Variants in THADA observed in about 807,000 individuals in gnomAD.
THADA encodes THADA armadillo repeat containing, also known as tRNA (32-2'-O)-methyltransferase regulator THADA.
THADA carries 213 observed loss-of-function variants against 219.8 expected under a neutral mutation model. That is an observed-to-expected ratio of 0.97 (90% CI 0.87 to 1.09). THADA has a LOEUF of 1.09. THADA is among the 50% of genes least tolerant of loss of function. The pLI is 0.00. For synonymous variants in THADA, 1,018 were observed against 828.9 expected (o/e 1.23, Z -3.92); for missense variants, 2,956 against 2,311.3 (o/e 1.28, Z -5.72).
chr2:43,572,537 A>G (rs950237290), intron 12 of THADA, among the ~76,000 whole-genome samples: 1 of 152,126 alleles, frequency 6.6e-6, no homozygotes, highest in African/African-American at 2.4e-5. Flanking sequence ...GCGAGTCCTT[A>G]TGTATTTAAG....
intron 21 of THADA, among the ~76,000 whole-genome samples, chr2:43,539,407 T>C (rs557396179): frequency 2.8e-4 from 43 of 152,314 alleles, no homozygotes; most frequent in African/African-American, 1.0e-3. Context: ...TAAAGGAAGT[T>C]CATGGGGCAA....
chr2:43,312,281 G>A (rs138977702), intron 31 of THADA, among the ~76,000 whole-genome samples: 280 of 152,034 alleles, frequency 1.8e-3, no homozygotes, highest in Non-Finnish European at 3.2e-3. Flanking sequence ...TTCACTCCTG[G>A]GATGAAAATG....
intron 21 of THADA, among the ~76,000 whole-genome samples, chr2:43,539,821 A>G (rs1695076732): frequency 6.6e-6 from 1 of 152,012 alleles, no homozygotes; most frequent in South Asian, 2.1e-4. Flanking sequence ...TTTAACAAAC[A>G]TCTCTTATTT....
intron 36 of THADA, among the ~76,000 whole-genome samples, chr2:43,262,751 C>A (rs751431495): frequency 6.6e-6 from 1 of 152,146 alleles, no homozygotes; most frequent in Non-Finnish European, 1.5e-5. Flanking sequence ...ACATTAGGAC[C>A]TTGCTACTCC....
intron 22 of THADA, among the ~76,000 whole-genome samples, chr2:43,515,256 AATATATAATATATAATATATAATATAT>A (rs1691467861): frequency 4.3e-4 from 1 of 2,302 alleles, no homozygotes; most frequent in African/African-American, 2.3e-3. Context: ...TATTATATAT[AATATATAATATATAATATATAATATAT>A]TATATATAAT....
intron 4 of THADA, among the ~76,000 whole-genome samples, chr2:43,588,082 G>C (rs542593849): frequency 6.6e-6 from 1 of 152,204 alleles, no homozygotes; most frequent in Admixed American, 6.5e-5. Flanking sequence ...GTGTGGTGTT[G>C]GTGTATGAAT....
chr2:43,232,824 C>T lies in THADA; in HGVS notation c.5355G>A (p.Leu1785=). The change falls in exon 37 of 38, where the codon CTG becomes CTA. Residue 1785 remains leucine, a synonymous_variant. Transcript: ENST00000405975. The part of the protein sequence containing the change: ...SIALALALAV[L]CDLLQQWDQL... ...GGTCCCACTGCTGGAGCAGATCACACAGGACGGCCAGGGCCAGGGCCAGAG... is the reference window on the plus strand; with the variant it reads ...GGTCCCACTGCTGGAGCAGATCACATAGGACGGCCAGGGCCAGGGCCAGAG... The T allele has an allele frequency of 6.2e-7, 1 of 1,612,768 alleles. No individual in the cohort carries two copies. Among genetic ancestry groups the T allele is most frequent in the Non-Finnish European group, 8.5e-7 (1 of 1,179,482 alleles).
chr2:43,547,827 G>C (rs971824165), intron 20 of THADA, among the ~76,000 whole-genome samples: 7 of 152,154 alleles, frequency 4.6e-5, no homozygotes, highest in African/African-American at 1.4e-4. Context: ...CCTGTAGCTT[G>C]GAGTAGTTTG....
At chr2:43,567,666 C>T (rs1698841729) in intron 14 of THADA, among the ~76,000 whole-genome samples, 1 of 152,146 alleles carries the variant, frequency 6.6e-6, no homozygotes, top group South Asian at 2.1e-4. Context: ...ATCATTCAAA[C>T]CGTATTGTCA....
Position 43,428,100 on chromosome 2 carries a change from C to G in THADA, c.4058G>C (p.Arg1353Thr). 6.2e-7 allele frequency: 1 copy of G among 1,606,176 alleles called. No homozygotes were observed. The highest frequency in any genetic ancestry group is 8.5e-7 in the Non-Finnish European group (1 of 1,175,314). ...SMGPFVPFIM[R>T]CGHSPVYHSR... ...CAATTTCTACACAGCATGACACTAC[C>G]TCATAATGAAGGGAACAAAAGGTCC... The change falls in exon 28 of 38, where the codon AGG becomes ACG. Residue 1353 changes from arginine (R) to threonine (T), a missense_variant and splice_region_variant. Physicochemically the swap from Arg to Thr is moderately conservative, Grantham distance 71 (BLOSUM62 -1). Coordinates refer to ENST00000405975, the MANE Select transcript of THADA (RefSeq NM_022065.5).
At chr2:43,361,487 C>T (rs1200112323) in intron 29 of THADA, among the ~76,000 whole-genome samples, 1 of 152,252 alleles carries the variant, frequency 6.6e-6, no homozygotes, top group Non-Finnish European at 1.5e-5. Context: ...ACTCACTTCA[C>T]TCCTCTCCAG....
At chr2:43,297,907 G>A (rs1161452756) in intron 31 of THADA, among the ~76,000 whole-genome samples, 1 of 107,360 alleles carries the variant, frequency 9.3e-6, no homozygotes, top group African/African-American at 5.2e-5. Flanking sequence ...ACTGGGAAGT[G>A]AGGAGCCCCT....
intron 31 of THADA, among the ~76,000 whole-genome samples, chr2:43,301,581 A>C (rs1270798045): frequency 6.6e-6 from 1 of 152,238 alleles, no homozygotes; most frequent in Non-Finnish European, 1.5e-5. Flanking sequence ...TGGAGGCAGG[A>C]ATGTCCAATA....
chr2:43,465,676 G>A lies in THADA; in HGVS notation c.3836+19558C>T, dbSNP rs115028302. On this transcript the variant is annotated intron_variant, in intron 26 of 37. Coordinates refer to ENST00000405975, the MANE Select transcript of THADA (RefSeq NM_022065.5). ...CACTTAAATACTGATGCTTCCCTGA[G>A]TCTACCCTAGCCCCTCTGGGTGATC... is the stretch of plus-strand genomic sequence containing the variant. Among the ~76,000 whole-genome samples the A allele has an allele frequency of 7.1e-3, 1,088 of 152,276 alleles. 12 individuals are homozygous for A. Among genetic ancestry groups the A allele is most frequent in the African/African-American group, 0.025 (1,037 of 41,550 alleles).
At chr2:43,566,577 G>T in intron 15 of THADA, 121 bp downstream of exon 15, 1 of 1,053,796 alleles carries the variant, frequency 9.5e-7, no homozygotes, top group Non-Finnish European at 1.4e-6. Context: ...AGAATTATAA[G>T]GTAAGAATGA....
intron 11 of THADA, 44 bp from the exon 12 acceptor site, chr2:43,573,036 C>T: frequency 7.1e-7 from 1 of 1,405,954 alleles, no homozygotes; most frequent in South Asian, 1.5e-5. Flanking sequence ...TATGCAATGA[C>T]TACTATAATT....
chr2:43,508,173 A>G (rs1175746503), intron 23 of THADA, among the ~76,000 whole-genome samples: 1 of 152,094 alleles, frequency 6.6e-6, no homozygotes, highest in Non-Finnish European at 1.5e-5. Flanking sequence ...ATAACCACTA[A>G]TAAATGTCAG....
At chr2:43,460,238 T>TAAA (rs10560565) in intron 26 of THADA, among the ~76,000 whole-genome samples, 30 of 63,540 alleles carry the variant, frequency 4.7e-4, no homozygotes, top group Middle Eastern at 0.014. Flanking sequence ...TTTCTCTTAA[T>TAAA]AAAAAAAAAA....
intron 22 of THADA, among the ~76,000 whole-genome samples, chr2:43,525,955 C>G (rs1435528614): frequency 6.6e-6 from 1 of 152,314 alleles, no homozygotes; most frequent in South Asian, 2.1e-4. Context: ...GTATTACAAT[C>G]TATCTAACCT....
Sources: allele counts gnomAD v4.1 joint callset (sites outside exome capture counted in the v4.1 genomes callset), GRCh38; gene constraint gnomAD v4.1.1; transcripts MANE v1.5; gene names NCBI Gene and HGNC (gene_info 2026-07-23, HGNC 2026-07-21).